The following DESI2 variants were observed in gnomAD, a reference collection of about 807,000 sequenced individuals.
The protein encoded by DESI2 is deubiquitinase DESI2.
In DESI2, 10 loss-of-function variants were observed where a neutral mutation model predicts 24.1. The observed-to-expected ratio is 0.41, with a 90% CI of 0.26 to 0.70. The LOEUF is 0.70. DESI2 is among the 30% of genes least tolerant of loss of function. The pLI is 0.29. For synonymous variants in DESI2, 71 were observed against 87.7 expected (o/e 0.81, Z 1.06); for missense variants, 122 against 234.9 (o/e 0.52, Z 3.14).
Position 244,689,820 on chromosome 1 carries a change from C to T in DESI2, c.209+478C>T, listed in dbSNP as rs1285781563. On this transcript the variant is annotated intron_variant, in intron 3 of 4. Coordinates refer to ENST00000302550, the MANE Select transcript of DESI2 (RefSeq NM_016076.5). The surrounding 1 kb of genome is among the most constrained non-coding windows in gnomAD (Gnocchi z 4.0). ...CCACCACGCCCAGCCCAGGAAACTC[C>T]TTTCTAATGATTTCTTCCCCTCAAT... Among the ~76,000 whole-genome samples, 1 of 152,168 alleles carries T rather than the reference C, an allele frequency of 6.6e-6. No homozygotes were observed. Among genetic ancestry groups the T allele is most frequent in the Admixed American group, 6.5e-5 (1 of 15,268 alleles).
At chr1:244,687,170 A>G (rs1427524205) in intron 2 of DESI2, among the ~76,000 whole-genome samples, 1 of 152,210 alleles carries the variant, frequency 6.6e-6, no homozygotes, top group Non-Finnish European at 1.5e-5. Flanking sequence ...TTGAAGTCTA[A>G]AAACATTGCT....
chr1:244,702,271 T>C (rs1677495499), intron 4 of DESI2, among the ~76,000 whole-genome samples: 1 of 152,202 alleles, frequency 6.6e-6, no homozygotes, highest in Non-Finnish European at 1.5e-5. Flanking sequence ...CCCGACACTT[T>C]GGGAGGCTGA....
intron 2 of DESI2, among the ~76,000 whole-genome samples, chr1:244,686,955 T>A (rs1279801490): frequency 6.6e-6 from 1 of 152,214 alleles, no homozygotes; most frequent in African/African-American, 2.4e-5. Flanking sequence ...TTTGTGATTG[T>A]CATAAAATGA....
rs1216254697 is a variant in DESI2 at position 244,706,586 on chromosome 1, T to A, written c.*797T>A. ...GTTGCACATGTATTGGGGGAGGCGC[T>A]TCATTTTTATTTTAATACACATGTA... On this transcript the variant is annotated 3_prime_UTR_variant, in exon 5 of 5. Coordinates refer to ENST00000302550, the MANE Select transcript of DESI2 (RefSeq NM_016076.5). 1 of 152,622 alleles carries A rather than the reference T, an allele frequency of 6.6e-6. No individual in the cohort carries two copies. The highest frequency in any genetic ancestry group is 1.9e-4 in the East Asian group (1 of 5,194). 9.5% of individuals were successfully genotyped at this position (152,622 alleles called of 1,614,324 possible). A position where few individuals can be genotyped will look rare whatever the true frequency, so the allele number is the denominator to read the frequency against.
At chr1:244,685,595 A>C (rs919526754) in intron 1 of DESI2, among the ~76,000 whole-genome samples, 5 of 152,180 alleles carry the variant, frequency 3.3e-5, no homozygotes, top group Admixed American at 1.3e-4. Flanking sequence ...TTAGAAAAAA[A>C]CACAACTGAC....
chr1:244,702,080 A>G (rs1437327412), intron 4 of DESI2, among the ~76,000 whole-genome samples: 2 of 152,248 alleles, frequency 1.3e-5, no homozygotes, highest in East Asian at 1.9e-4. Flanking sequence ...TACATTTTGC[A>G]TTGTGACCCA....
At chr1:244,684,365 C>T (rs868072334) in intron 1 of DESI2, among the ~76,000 whole-genome samples, 30 of 152,208 alleles carry the variant, frequency 2.0e-4, no homozygotes, top group Non-Finnish European at 3.7e-4. Flanking sequence ...ACCCTAGCCA[C>T]GTGTACTCCT....
intron 4 of DESI2, 80 bp from the exon 5 acceptor site, chr1:244,705,476 C>T: frequency 7.9e-7 from 1 of 1,261,886 alleles, no homozygotes; most frequent in Non-Finnish European, 1.1e-6. Flanking sequence ...CGCCCCCCTC[C>T]TCCCACCCTC....
chr1:244,704,344 A>C (rs565948755), intron 4 of DESI2, among the ~76,000 whole-genome samples: 48 of 152,334 alleles, frequency 3.2e-4, no homozygotes, highest in African/African-American at 1.1e-3. Context: ...GTGGGGCATG[A>C]ACGGCAGCCC....
chr1:244,689,439 A>C lies in DESI2; in HGVS notation c.209+97A>C, dbSNP rs934851954. 5 of 617,888 alleles carry C rather than the reference A, an allele frequency of 8.1e-6. No individual in the cohort carries two copies. The highest frequency in any genetic ancestry group is 7.6e-5 in the African/African-American group (4 of 52,754). The allele number at this position is 617,888 out of a possible 1,614,324, so 38.3% of individuals were successfully genotyped here. A position where few individuals can be genotyped will look rare whatever the true frequency, so the allele number is the denominator to read the frequency against. On this transcript the variant is annotated intron_variant, in intron 3 of 4. Coordinates refer to ENST00000302550, the MANE Select transcript of DESI2 (RefSeq NM_016076.5). The surrounding 1 kb of genome is among the most constrained non-coding windows in gnomAD (Gnocchi z 4.0). ...TTCTGTAAATCAAAACAAACCCAAG[A>C]AGTTAAAAATGTCTCTTTGTTTTAA...
chr1:244,660,211 G>A (rs1238692598), intron 1 of DESI2, among the ~76,000 whole-genome samples: 2 of 152,188 alleles, frequency 1.3e-5, no homozygotes, highest in Non-Finnish European at 2.9e-5. Flanking sequence ...GGTCGCCCAG[G>A]TTGGAGTGCA....
intron 2 of DESI2, among the ~76,000 whole-genome samples, chr1:244,687,068 A>G (rs1676852093): frequency 1.3e-5 from 2 of 152,316 alleles, no homozygotes; most frequent in South Asian, 2.1e-4. Flanking sequence ...TTGGTGCTAG[A>G]AAGTGTCAGA....
intron 1 of DESI2, among the ~76,000 whole-genome samples, chr1:244,685,344 C>A (rs1676782339): frequency 6.6e-6 from 1 of 152,010 alleles, no homozygotes; most frequent in Admixed American, 6.6e-5. Flanking sequence ...TGTCAACATG[C>A]TTTTAGTAAG....
intron 1 of DESI2, 80 bp from the exon 2 acceptor site, chr1:244,686,517 G>A (rs762173660): frequency 5.3e-5 from 46 of 866,686 alleles, no homozygotes; most frequent in Non-Finnish European, 8.3e-5. Context: ...GTGAAAGACT[G>A]GGGAGCAGTC....
At chr1:244,704,901 A>G (rs945836738) in intron 4 of DESI2, among the ~76,000 whole-genome samples, 4 of 151,938 alleles carry the variant, frequency 2.6e-5, no homozygotes, top group African/African-American at 9.7e-5. Flanking sequence ...CTCGTAATTC[A>G]CCGGCCTCAG....
chr1:244,697,432 G>A (rs186174318), intron 4 of DESI2, among the ~76,000 whole-genome samples: 36 of 149,622 alleles, frequency 2.4e-4, no homozygotes, highest in African/African-American at 6.7e-4. Context: ...AGCTGAGATC[G>A]TGCCACTGCA....
At chr1:244,680,487 C>A (rs1362101117) in intron 1 of DESI2, among the ~76,000 whole-genome samples, 2 of 151,754 alleles carry the variant, frequency 1.3e-5, no homozygotes, top group Admixed American at 6.6e-5. Flanking sequence ...TCCAGACTTA[C>A]CTGATTTTTC....
intron 4 of DESI2, among the ~76,000 whole-genome samples, chr1:244,693,903 T>A (rs567759205): frequency 6.6e-6 from 1 of 152,244 alleles, no homozygotes; most frequent in East Asian, 1.9e-4. Context: ...TCTTGCCGAT[T>A]GTGAAATGTA....
At chr1:244,690,606 G>C (rs1414308530) in intron 3 of DESI2, among the ~76,000 whole-genome samples, 2 of 152,008 alleles carry the variant, frequency 1.3e-5, no homozygotes, top group East Asian at 3.9e-4. Flanking sequence ...TCGGGAGGCT[G>C]AGGCAGGAGA....
Sources: gnomAD v4.1 joint callset for allele counts (sites outside exome capture counted in the v4.1 genomes callset) on GRCh38, gnomAD v4.1.1 for gene constraint, Gnocchi (gnomAD v3.1) non-coding constraint, MANE v1.5 for transcripts, NCBI Gene and HGNC (gene_info 2026-07-23, HGNC 2026-07-21) for gene names.